GPHN: variants seen among roughly 807,000 people sequenced by gnomAD.
GPHN encodes the protein gephyrin.
GPHN carries 17 observed loss-of-function variants against 95.5 expected under a neutral mutation model. The ratio of observed to expected loss-of-function variants is 0.18; its 90% CI spans 0.12 to 0.27. The LOEUF (loss-of-function observed/expected upper bound fraction) is 0.27, where lower values mean the gene tolerates loss of function less well. GPHN is among the 10% of genes least tolerant of loss of function. GPHN has a pLI of 1.00. For missense variants in GPHN, 660 were observed against 978.1 expected, an observed-to-expected ratio of 0.67 and a Z score of 4.34; for synonymous variants, 320 against 322.5, an observed-to-expected ratio of 0.99 and a Z score of 0.08.
intron 1 of GPHN, among the ~76,000 whole-genome samples, chr14:66,636,169 T>C (rs530158881): frequency 1.3e-5 from 2 of 152,166 alleles, no homozygotes; most frequent in South Asian, 2.1e-4. Flanking sequence ...TTAATAAATA[T>C]TAAGTACAAT....
At chr14:67,714,635 T>A in the GPHN span, 1 of 163,622 alleles carries the variant, frequency 6.1e-6, no homozygotes, top group Non-Finnish European at 1.4e-5. Flanking sequence ...GCCACAACCA[T>A]GCAAATCTAC....
the GPHN span, among the ~76,000 whole-genome samples, chr14:67,227,015 A>G: frequency 6.6e-6 from 1 of 152,242 alleles, no homozygotes; most frequent in East Asian, 1.9e-4. Context: ...AATATTTTAC[A>G]ATGATTTCAA....
At chr14:67,221,657 G>T in the GPHN span, 2 of 1,458,712 alleles carry the variant, frequency 1.4e-6, no homozygotes, top group Non-Finnish European at 1.8e-6. Flanking sequence ...TTTGCTAAAC[G>T]TGTTTCATTA....
the GPHN span, chr14:67,729,573 T>C: frequency 2.6e-4 from 172 of 653,936 alleles, no homozygotes; most frequent in African/African-American, 2.9e-3. Flanking sequence ...GAAGAGTTGC[T>C]TTTCTGGCTT....
At chr14:66,676,767 G>GT (rs1039815539) in intron 1 of GPHN, among the ~76,000 whole-genome samples, 4 of 148,594 alleles carry the variant, frequency 2.7e-5, no homozygotes, top group East Asian at 4.0e-4. Context: ...CTGACCTCTA[G>GT]TTTTTTTTGT....
chr14:67,674,957 C>A, the GPHN span: 3 of 152,512 alleles, frequency 2.0e-5, no homozygotes, highest in African/African-American at 7.2e-5. Context: ...CGTCTCGTCC[C>A]GGGGTCGCGC....
chr14:66,892,899 T>C, intron 5 of GPHN, among the ~76,000 whole-genome samples: 1 of 152,186 alleles, frequency 6.6e-6, no homozygotes, highest in Non-Finnish European at 1.5e-5. Context: ...GGTTATGTTA[T>C]GTATATTTTA....
the GPHN span, among the ~76,000 whole-genome samples, chr14:67,299,521 A>C: frequency 6.6e-6 from 1 of 152,208 alleles, no homozygotes; most frequent in Admixed American, 6.5e-5. Flanking sequence ...AACAAGGAAA[A>C]GTGGTATAGC....
the GPHN span, among the ~76,000 whole-genome samples, chr14:67,331,201 C>G: frequency 2.0e-5 from 3 of 152,038 alleles, no homozygotes; most frequent in African/African-American, 7.2e-5. Context: ...TGCACCATCA[C>G]GCCTGGCTAT....
chr14:66,597,588 A>G (rs1014057912), intron 1 of GPHN, among the ~76,000 whole-genome samples: 3 of 152,196 alleles, frequency 2.0e-5, no homozygotes, highest in African/African-American at 7.2e-5. Flanking sequence ...GCGAGACTGC[A>G]GGAGTGTCTT....
At chr14:67,156,278 A>G (rs1440755381) in intron 18 of GPHN, among the ~76,000 whole-genome samples, 1 of 152,140 alleles carries the variant, frequency 6.6e-6, no homozygotes, top group East Asian at 1.9e-4. Context: ...TGTAGAAAAT[A>G]TATACAATAA....
intron 4 of GPHN, among the ~76,000 whole-genome samples, chr14:66,828,090 T>C (rs1371694967): frequency 6.6e-6 from 1 of 151,884 alleles, no homozygotes; most frequent in African/African-American, 2.4e-5. Flanking sequence ...AAAGAAGCAA[T>C]TTACCTGATT....
chr14:66,611,541 A>G (rs2062784106), intron 1 of GPHN, among the ~76,000 whole-genome samples: 1 of 152,124 alleles, frequency 6.6e-6, no homozygotes, highest in Non-Finnish European at 1.5e-5. Context: ...CCAAAACTGA[A>G]ATTTCAACAT....
At chr14:66,612,214 A>C (rs970175689) in intron 1 of GPHN, among the ~76,000 whole-genome samples, 6 of 151,634 alleles carry the variant, frequency 4.0e-5, no homozygotes, top group African/African-American at 1.5e-4. Context: ...CCAAGTTATC[A>C]CTTGTTTTTC....
At chr14:67,712,537 AAAAAACAAAAC>A in the GPHN span, among the ~76,000 whole-genome samples, 1 of 151,334 alleles carries the variant, frequency 6.6e-6, no homozygotes, top group African/African-American at 2.4e-5. Flanking sequence ...TTGGGTGAGA[AAAAAACAAAAC>A]AAAAACATGA....
intron 9 of GPHN, among the ~76,000 whole-genome samples, chr14:67,015,487 A>G (rs994779263): frequency 6.6e-6 from 1 of 152,180 alleles, no homozygotes; most frequent in African/African-American, 2.4e-5. Flanking sequence ...TCATGAGGTC[A>G]GGAGTTTGAG....
the GPHN span, chr14:67,594,011 G>T: frequency 1.8e-6 from 2 of 1,113,826 alleles, no homozygotes; most frequent in Non-Finnish European, 2.7e-6. Flanking sequence ...TCAACTCCAG[G>T]CAATGAGGGG....
intron 1 of GPHN, among the ~76,000 whole-genome samples, chr14:66,678,167 C>T (rs192504055): frequency 1.5e-4 from 23 of 152,142 alleles, no homozygotes; most frequent in Admixed American, 5.2e-4. Context: ...CATTATTTTA[C>T]GAAATAAGTT....
At chr14:67,703,831 G>A in the GPHN span, among the ~76,000 whole-genome samples, 16 of 151,898 alleles carry the variant, frequency 1.1e-4, no homozygotes, top group African/African-American at 2.7e-4. Context: ...GCATACCACC[G>A]TGCCTGGCTA....
Sources: gnomAD v4.1 joint callset for allele counts (sites outside exome capture counted in the v4.1 genomes callset) on GRCh38, gnomAD v4.1.1 for gene constraint, MANE v1.5 for transcripts, NCBI Gene and HGNC (gene_info 2026-07-23, HGNC 2026-07-21) for gene names.